The following INSYN2B variants were observed in gnomAD, a reference collection of about 807,000 sequenced individuals.
INSYN2B encodes the protein inhibitory synaptic factor family member 2B, also known as protein INSYN2B.
In INSYN2B, 16 loss-of-function variants were observed where a neutral mutation model predicts 41.2. The ratio of observed to expected loss-of-function variants is 0.39; its 90% CI spans 0.26 to 0.59. The LOEUF is 0.59. Ranked by LOEUF, INSYN2B falls within the 20% of genes least tolerant of loss-of-function variation. The pLI, the probability that INSYN2B is intolerant of heterozygous loss-of-function variation, is 0.57. For missense variants in INSYN2B, 608 were observed against 646.4 expected (o/e 0.94, Z 0.64); for synonymous variants, 245 against 244.4 (o/e 1.00, Z -0.02).
At chr5:169,867,687 C>G (rs963155607) in intron 3 of INSYN2B, among the ~76,000 whole-genome samples, 1 of 151,986 alleles carries the variant, frequency 6.6e-6, no homozygotes. Flanking sequence ...ATTGATCCCC[C>G]CACACACATA....
At chr5:169,972,586 T>TGATA (rs1554122914) in intron 1 of INSYN2B, among the ~76,000 whole-genome samples, 11,376 of 68,308 alleles carry the variant, frequency 0.17, 661 homozygotes, top group East Asian at 0.26. Context: ...GATAGATAGA[T>TGATA]GATAGATAGA....
chr5:169,951,967 G>A (rs1274128605), intron 1 of INSYN2B, among the ~76,000 whole-genome samples: 2 of 152,150 alleles, frequency 1.3e-5, no homozygotes, highest in African/African-American at 2.4e-5. Context: ...CTCTCAGCCA[G>A]GAAGTCACTC....
chr5:169,894,780 A>G (rs1345760861), intron 1 of INSYN2B, among the ~76,000 whole-genome samples: 1 of 152,152 alleles, frequency 6.6e-6, no homozygotes, highest in African/African-American at 2.4e-5. Context: ...ACCATTATGC[A>G]CTGGGCCCCA....
intron 1 of INSYN2B, among the ~76,000 whole-genome samples, chr5:169,949,286 T>C (rs1776565822): frequency 6.6e-6 from 1 of 152,158 alleles, no homozygotes; most frequent in Admixed American, 6.5e-5. Flanking sequence ...TGTTCTTTAC[T>C]TCCCAGGAGG....
intron 1 of INSYN2B, among the ~76,000 whole-genome samples, chr5:169,972,285 C>T (rs1777531868): frequency 6.6e-6 from 1 of 152,100 alleles, no homozygotes; most frequent in South Asian, 2.1e-4. Flanking sequence ...ATGCATTTTG[C>T]ACTTATCATT....
At chr5:169,893,857 G>T (rs1370496382) in intron 1 of INSYN2B, among the ~76,000 whole-genome samples, 2 of 152,182 alleles carry the variant, frequency 1.3e-5, no homozygotes, top group Admixed American at 1.3e-4. Context: ...AATGGAAGAA[G>T]GCAGGAAAAT....
chr5:169,961,884 C>A (rs1041095319), intron 1 of INSYN2B, among the ~76,000 whole-genome samples: 1 of 147,424 alleles, frequency 6.8e-6, no homozygotes, highest in Admixed American at 6.9e-5. Context: ...GAGGCTGAGG[C>A]AGGAGAATCA....
chr5:169,912,563 T>A (rs1233185021), intron 1 of INSYN2B, among the ~76,000 whole-genome samples: 1 of 152,144 alleles, frequency 6.6e-6, no homozygotes, highest in Admixed American at 6.6e-5. Flanking sequence ...TTCTTTCCAC[T>A]TAAAACCATT....
chr5:169,977,208 A>G (rs1777746880), intron 1 of INSYN2B, among the ~76,000 whole-genome samples: 1 of 152,214 alleles, frequency 6.6e-6, no homozygotes, highest in Non-Finnish European at 1.5e-5. Flanking sequence ...AGAGGCACAC[A>G]CTGGACTTAC....
chr5:169,920,560 A>G (rs940038416), intron 1 of INSYN2B, among the ~76,000 whole-genome samples: 1 of 152,178 alleles, frequency 6.6e-6, no homozygotes, highest in Non-Finnish European at 1.5e-5. Context: ...GAGGTCACAC[A>G]TCACTTATTG....
intron 1 of INSYN2B, among the ~76,000 whole-genome samples, chr5:169,937,736 G>A (rs112120342): frequency 0.022 from 3,399 of 152,282 alleles, 66 homozygotes; most frequent in Non-Finnish European, 0.035. Flanking sequence ...AGTAGTAACT[G>A]CTCTCCTGGC....
chr5:169,863,921 G>A lies in INSYN2B; in HGVS notation c.*352C>T, dbSNP rs1193632732. Among the ~76,000 whole-genome samples the A allele has an allele frequency of 6.6e-6, 1 of 152,190 alleles. No individual in the cohort carries two copies. Among genetic ancestry groups the A allele is most frequent in the Admixed American group, 6.5e-5 (1 of 15,286 alleles). Reference sequence around the variant, plus strand: ...GGGTTTATGAACCCAGGATGGGAAGGAAGTGCTTGGCATCTTGGAGGTGTT... The same window carrying A: ...GGGTTTATGAACCCAGGATGGGAAGAAAGTGCTTGGCATCTTGGAGGTGTT... On this transcript the variant is annotated 3_prime_UTR_variant, in exon 4 of 4. Transcript: ENST00000377365.
chr5:169,916,689 C>CTG (rs5873197), intron 1 of INSYN2B, among the ~76,000 whole-genome samples: 127,572 of 152,078 alleles, frequency 0.84, 53,920 homozygotes, highest in African/African-American at 0.95. Context: ...ATATGAGAGA[C>CTG]TTTTTAATAA....
intron 1 of INSYN2B, among the ~76,000 whole-genome samples, chr5:169,904,879 G>A (rs1302751604): frequency 2.0e-5 from 3 of 152,062 alleles, no homozygotes; most frequent in Non-Finnish European, 4.4e-5. Flanking sequence ...ACTGCTCCAC[G>A]GCTGGAGCAG....
At position 169,867,447 on chromosome 5, in the gene INSYN2B, A is replaced by ATCTATCTG. The variant is rs1554111015; in HGVS notation, c.1422-2989_1422-2988insCAGATAGA. ...TGTCTGTCTGTCTGTCTATCTATCT[A>ATCTATCTG]TCTGTCTGTCTATCTATTGATCCAT... On this transcript the variant is annotated intron_variant, in intron 3 of 3. Transcript: ENST00000377365. 1.1e-3 allele frequency among the ~76,000 whole-genome samples: 169 copies of ATCTATCTG among 150,960 alleles called. 1 individual carries two copies. Among genetic ancestry groups the ATCTATCTG allele is most frequent in the East Asian group, 6.5e-3 (33 of 5,114 alleles).
intron 1 of INSYN2B, among the ~76,000 whole-genome samples, chr5:169,962,475 T>C (rs560112621): frequency 6.6e-6 from 1 of 152,268 alleles, no homozygotes; most frequent in East Asian, 1.9e-4. Context: ...GGTGTGAAGA[T>C]GAAGAATTCC....
intron 1 of INSYN2B, among the ~76,000 whole-genome samples, chr5:169,899,316 C>T (rs535171807): frequency 7.2e-5 from 11 of 152,266 alleles, no homozygotes; most frequent in Non-Finnish European, 1.3e-4. Context: ...TGACTTCCTG[C>T]CTTGAGACTT....
chr5:169,939,106 G>A (rs1345985943), intron 1 of INSYN2B, among the ~76,000 whole-genome samples: 3 of 151,258 alleles, frequency 2.0e-5, no homozygotes, highest in African/African-American at 7.3e-5. Context: ...GGGTTTCACC[G>A]CATTAGCCAG....
rs765720250 is a variant in INSYN2B at position 169,862,566 on chromosome 5, T to A, written c.*1707A>T. Among the ~76,000 whole-genome samples the A allele has an allele frequency of 2.0e-5, 3 of 152,228 alleles. No individual in the cohort carries two copies. The highest frequency in any genetic ancestry group is 4.4e-5 in the Non-Finnish European group (3 of 68,030). Reference sequence around the variant, plus strand: ...CATATCTTATTGAAATGTGGCTTCTTAAGTATGACAAGTGTATTTATCTTA... The same window carrying A: ...CATATCTTATTGAAATGTGGCTTCTAAAGTATGACAAGTGTATTTATCTTA... On this transcript the variant is annotated 3_prime_UTR_variant, in exon 4 of 4. Transcript: ENST00000377365.
Sources: gnomAD v4.1 joint callset for allele counts (sites outside exome capture counted in the v4.1 genomes callset) on GRCh38, gnomAD v4.1.1 for gene constraint, MANE v1.5 for transcripts, NCBI Gene and HGNC (gene_info 2026-07-23, HGNC 2026-07-21) for gene names.